MYO5A: variants seen among roughly 807,000 people sequenced by gnomAD.
MYO5A encodes the protein myosin VA, also known as unconventional myosin-Va.
Under a neutral mutation model 249.7 loss-of-function variants are expected in MYO5A, and 98 were observed. The ratio of observed to expected loss-of-function variants is 0.39; its 90% CI spans 0.33 to 0.46. The LOEUF (loss-of-function observed/expected upper bound fraction) is 0.46, where lower values mean the gene tolerates loss of function less well. Among genes scored for constraint, MYO5A ranks in the 20% least tolerant of loss-of-function variants. The pLI is 0.98. For synonymous variants in MYO5A, 778 were observed against 810.6 expected, an observed-to-expected ratio of 0.96 and a Z score of 0.68; for missense variants, 1,696 against 2,308.8, an observed-to-expected ratio of 0.73 and a Z score of 5.44.
rs1223038672 is a variant in MYO5A, at chr15:52,375,290, AAAT to A, written c.2577+11_2577+13del. On this transcript the variant is annotated intron_variant, in intron 20 of 41. Transcript: ENST00000399233. ...TAATAGAATGAATAAACAAAGTTGA[AAAT>A]AATGCCTCACCTTGCGATACCTATT... The A allele has an allele frequency of 6.2e-7, 1 of 1,613,928 alleles. No individual in the cohort carries two copies. Among genetic ancestry groups the A allele is most frequent in the South Asian group, 1.1e-5 (1 of 91,070 alleles).
At chr15:52,367,433 G>C (rs1426995284) in intron 22 of MYO5A, among the ~76,000 whole-genome samples, 1 of 152,160 alleles carries the variant, frequency 6.6e-6, no homozygotes, top group Non-Finnish European at 1.5e-5. Context: ...TGAAGGATAA[G>C]GATGGTGATG....
At chr15:52,407,169 T>C in intron 8 of MYO5A, 123 bp downstream of exon 8, 2 of 738,082 alleles carry the variant, frequency 2.7e-6, no homozygotes, top group Non-Finnish European at 4.9e-6. Context: ...GTGTTCTATG[T>C]GGAATATTAA....
intron 36 of MYO5A, among the ~76,000 whole-genome samples, chr15:52,327,519 G>C (rs2038666615): frequency 6.6e-6 from 1 of 152,114 alleles, no homozygotes; most frequent in Admixed American, 6.5e-5. Context: ...ACCAGCCTGG[G>C]CAACATAGTG....
chr15:52,528,630 G>A, intron 1 of MYO5A, 150 bp downstream of exon 1: 1 of 908,610 alleles, frequency 1.1e-6, no homozygotes, highest in African/African-American at 1.8e-5. Context: ...CGGGCGACCG[G>A]CTGGTAGGGC....
chr15:52,354,275 C>G (rs867719961), intron 25 of MYO5A, among the ~76,000 whole-genome samples: 2 of 152,194 alleles, frequency 1.3e-5, no homozygotes, highest in Non-Finnish European at 2.9e-5. Flanking sequence ...GCCACAGTGT[C>G]TCATATGATA....
chr15:52,382,741 C>T (rs989602324), intron 16 of MYO5A, among the ~76,000 whole-genome samples: 1 of 152,204 alleles, frequency 6.6e-6, no homozygotes, highest in Non-Finnish European at 1.5e-5. Flanking sequence ...GGTAAGCATT[C>T]GCCAAACAGC....
chr15:52,330,641 A>AT (rs1226864423), intron 34 of MYO5A, 142 bp from the exon 35 acceptor site: 9 of 992,748 alleles, frequency 9.1e-6, no homozygotes, highest in African/African-American at 6.6e-5. Context: ...TCTTAAAATA[A>AT]TTTTTTTCTG....
At chr15:52,522,831 T>C (rs2077650205) in intron 1 of MYO5A, among the ~76,000 whole-genome samples, 2 of 98,438 alleles carry the variant, frequency 2.0e-5, no homozygotes, top group Admixed American at 2.8e-4. Context: ...TCCAGTTCTC[T>C]TTCATTATTT....
At chr15:52,355,321 C>T (rs185539231) in intron 25 of MYO5A, among the ~76,000 whole-genome samples, 160 of 152,170 alleles carry the variant, frequency 1.1e-3, no homozygotes, top group Non-Finnish European at 1.9e-3. Flanking sequence ...TATTCCCCCC[C>T]AAAAAAACTC....
chr15:52,342,132 G>T (rs1031580502), intron 31 of MYO5A, among the ~76,000 whole-genome samples: 1 of 152,174 alleles, frequency 6.6e-6, no homozygotes, highest in African/African-American at 2.4e-5. Context: ...GCCGAGGCAG[G>T]ATTGTTTGAG....
At chr15:52,346,024 T>A (rs909465560) in intron 30 of MYO5A, among the ~76,000 whole-genome samples, 6 of 152,136 alleles carry the variant, frequency 3.9e-5, no homozygotes, top group African/African-American at 1.4e-4. Context: ...CAAATAACCA[T>A]CCTGAATAAC....
intron 16 of MYO5A, among the ~76,000 whole-genome samples, chr15:52,381,780 T>TCACA (rs1194170840): frequency 1.0e-3 from 78 of 74,566 alleles, no homozygotes; most frequent in Middle Eastern, 6.3e-3. Context: ...TCTCTCTCTC[T>TCACA]CTCACACACA....
At chr15:52,428,960 C>G (rs1308517736) in intron 2 of MYO5A, among the ~76,000 whole-genome samples, 2 of 152,176 alleles carry the variant, frequency 1.3e-5, no homozygotes, top group Non-Finnish European at 1.5e-5. Context: ...GGATTCAAAT[C>G]CTGATACTAA....
chr15:52,400,214 G>A (rs1445463441), intron 9 of MYO5A, among the ~76,000 whole-genome samples: 1 of 151,160 alleles, frequency 6.6e-6, no homozygotes, highest in Admixed American at 6.6e-5. Context: ...GGTTTACTTT[G>A]TTACTATTTT....
chr15:52,333,028 AAGAAC>A (rs1406464653), intron 34 of MYO5A, among the ~76,000 whole-genome samples: 5 of 152,206 alleles, frequency 3.3e-5, no homozygotes, highest in African/African-American at 1.2e-4. Context: ...TCTGCCATGT[AAGAAC>A]ACAGAGTTCG....
intron 36 of MYO5A, among the ~76,000 whole-genome samples, chr15:52,326,443 C>T (rs1444967218): frequency 6.6e-6 from 1 of 152,146 alleles, no homozygotes; most frequent in South Asian, 2.1e-4. Flanking sequence ...TCTTTAGAAA[C>T]TCCATGCTTT....
At chr15:52,366,448 A>T (rs2040810573) in intron 23 of MYO5A, among the ~76,000 whole-genome samples, 1 of 151,886 alleles carries the variant, frequency 6.6e-6, no homozygotes, top group Admixed American at 6.6e-5. Flanking sequence ...ATAGATCTGT[A>T]TCTTCTTACC....
rs117629672 is a variant in MYO5A at position 52,430,256 on chromosome 15, A to T, written c.139-1687T>A. ...TAAATACACAATTGTCTGTTCTGGT[A>T]TTAGCCAGGAGACTCCAGAATGGCA... On this transcript the variant is annotated intron_variant, in intron 2 of 41. Transcript: ENST00000399233. 3.9e-3 allele frequency among the ~76,000 whole-genome samples: 600 copies of T among 152,294 alleles called. 6 individuals are homozygous for T. The South Asian group carries it at 0.047, about 12-fold the overall frequency.
intron 1 of MYO5A, among the ~76,000 whole-genome samples, chr15:52,500,408 A>G (rs1405620140): frequency 6.8e-6 from 1 of 147,930 alleles, no homozygotes; most frequent in Non-Finnish European, 1.5e-5. Context: ...GTGCAATAGC[A>G]CGATCTCAGC....
Sources: gnomAD v4.1 joint callset for allele counts (sites outside exome capture counted in the v4.1 genomes callset) on GRCh38, gnomAD v4.1.1 for gene constraint, MANE v1.5 for transcripts, NCBI Gene and HGNC (gene_info 2026-07-23, HGNC 2026-07-21) for gene names.